Variants in FHIT observed in about 807,000 individuals in gnomAD.
The protein encoded by FHIT is fragile histidine triad diadenosine triphosphatase, also known as bis(5'-adenosyl)-triphosphatase.
A neutral mutation model predicts 17.9 loss-of-function variants in FHIT; 19 were observed. The ratio of observed to expected loss-of-function variants is 1.06; its 90% CI spans 0.74 to 1.56. FHIT has a LOEUF of 1.56. Ranked by LOEUF, FHIT falls within the 40% of genes most tolerant of loss-of-function variation. The probability of loss-of-function intolerance (pLI) is 0.00; values close to 1 mark genes in which losing one functional copy is unlikely to be tolerated. For synonymous variants in FHIT, 81 were observed against 69.7 expected, an observed-to-expected ratio of 1.16 and a Z score of -0.81; for missense variants, 248 against 189.2, an observed-to-expected ratio of 1.31 and a Z score of -1.82.
intron 5 of FHIT, among the ~76,000 whole-genome samples, chr3:60,426,537 T>C (rs1326201286): frequency 6.6e-6 from 1 of 152,162 alleles, no homozygotes. Flanking sequence ...TATTTATCAC[T>C]GCTCACATTC....
intron 3 of FHIT, among the ~76,000 whole-genome samples, chr3:60,832,467 A>C (rs1702365624): frequency 6.6e-6 from 1 of 152,118 alleles, no homozygotes. Context: ...CAAAGTAACA[A>C]ATTTAACATA....
intron 4 of FHIT, among the ~76,000 whole-genome samples, chr3:60,705,682 G>C (rs1559654169): frequency 6.6e-6 from 1 of 152,098 alleles, no homozygotes; most frequent in African/African-American, 2.4e-5. Flanking sequence ...TACTCCTGTA[G>C]GTGTAAATGG....
intron 5 of FHIT, among the ~76,000 whole-genome samples, chr3:60,025,910 T>C (rs1464399894): frequency 2.6e-5 from 4 of 152,148 alleles, no homozygotes; most frequent in Non-Finnish European, 5.9e-5. Context: ...CAACTGCTAC[T>C]CAGCAATGAA....
chr3:60,750,416 C>T (rs2042442497), intron 4 of FHIT, among the ~76,000 whole-genome samples: 1 of 152,142 alleles, frequency 6.6e-6, no homozygotes, highest in African/African-American at 2.4e-5. Flanking sequence ...GTAACTCCCA[C>T]AATTCCCACA....
intron 4 of FHIT, among the ~76,000 whole-genome samples, chr3:60,748,953 C>A (rs2042414062): frequency 6.6e-6 from 1 of 152,112 alleles, no homozygotes; most frequent in Admixed American, 6.5e-5. Context: ...ATGCAATTTT[C>A]TTTTTTTCAA....
intron 5 of FHIT, among the ~76,000 whole-genome samples, chr3:60,317,635 G>GTATATATATATA (rs372678434): frequency 6.7e-4 from 90 of 134,472 alleles, no homozygotes; most frequent in African/African-American, 2.2e-3. Context: ...GTGTGTGTGT[G>GTATATATATATA]TATATATATA....
intron 5 of FHIT, among the ~76,000 whole-genome samples, chr3:60,211,230 A>C (rs1703438829): frequency 6.6e-6 from 1 of 151,956 alleles, no homozygotes; most frequent in South Asian, 2.1e-4. Context: ...AAAGGATGGA[A>C]CACAAATATA....
rs116406675 is a variant in FHIT, at chr3:60,021,757, C to T, written c.104-7605G>A. On this transcript the variant is annotated intron_variant, in intron 5 of 9. Transcript: ENST00000492590. ...TCCCAGCCAGGGGCATGTGCTACAA[C>T]ACTGTTACAATGTCCATGCTGTTTC... 4.1e-3 allele frequency among the ~76,000 whole-genome samples: 628 copies of T among 152,278 alleles called. 3 individuals carry two copies. Among genetic ancestry groups the T allele is most frequent in the African/African-American group, 0.015 (609 of 41,548 alleles).
chr3:61,213,028 C>A, intron 1 of FHIT, among the ~76,000 whole-genome samples: 1 of 152,180 alleles, frequency 6.6e-6, no homozygotes, highest in East Asian at 1.9e-4. Flanking sequence ...AAAGGAACAA[C>A]CAGTACCAGC....
At chr3:60,230,428 TA>T (rs1466650900) in intron 5 of FHIT, among the ~76,000 whole-genome samples, 1 of 152,240 alleles carries the variant, frequency 6.6e-6, no homozygotes, top group African/African-American at 2.4e-5. Context: ...ATCTACACTT[TA>T]AAAATAACAT....
At chr3:60,288,566 A>AGTGTGT (rs139336094) in intron 5 of FHIT, among the ~76,000 whole-genome samples, 2,364 of 144,636 alleles carry the variant, frequency 0.016, 22 homozygotes, top group Middle Eastern at 0.021. Flanking sequence ...GTTCTGGCAC[A>AGTGTGT]GTGTGTGTGT....
chr3:61,046,795 C>T (rs987363375), intron 2 of FHIT, among the ~76,000 whole-genome samples: 10 of 152,098 alleles, frequency 6.6e-5, no homozygotes, highest in African/African-American at 1.9e-4. Context: ...TTATCCACCA[C>T]GATCAAGTTG....
intron 7 of FHIT, among the ~76,000 whole-genome samples, chr3:59,999,560 GGA>G (rs1699649017): frequency 2.0e-5 from 3 of 152,084 alleles, no homozygotes; most frequent in Non-Finnish European, 4.4e-5. Flanking sequence ...ATGATCTAGT[GGA>G]ACGTGTCTTC....
chr3:61,246,240 T>C (rs1434840971), intron 1 of FHIT, among the ~76,000 whole-genome samples: 1 of 152,326 alleles, frequency 6.6e-6, no homozygotes, highest in South Asian at 2.1e-4. Flanking sequence ...GCTCCGTCTA[T>C]GGAGTAGCCA....
chr3:60,643,728 T>C (rs1215713981), intron 4 of FHIT, among the ~76,000 whole-genome samples: 6 of 152,194 alleles, frequency 3.9e-5, no homozygotes, highest in Non-Finnish European at 8.8e-5. Flanking sequence ...ATACTCCTTC[T>C]ATGATCAAGG....
chr3:61,069,200 G>A (rs995873324), intron 2 of FHIT, among the ~76,000 whole-genome samples: 1 of 151,906 alleles, frequency 6.6e-6, no homozygotes, highest in Non-Finnish European at 1.5e-5. Flanking sequence ...GGTTTTTTTC[G>A]TGGCACATAT....
intron 5 of FHIT, among the ~76,000 whole-genome samples, chr3:60,424,556 G>C (rs937882885): frequency 2.0e-5 from 3 of 152,028 alleles, no homozygotes; most frequent in African/African-American, 7.2e-5. Context: ...GTGCTCTGAT[G>C]CACTCCACAC....
At chr3:60,331,870 A>G (rs1177012979) in intron 5 of FHIT, among the ~76,000 whole-genome samples, 1 of 151,724 alleles carries the variant, frequency 6.6e-6, no homozygotes, top group Non-Finnish European at 1.5e-5. Context: ...AAGAGAGAAA[A>G]GAAAAGAAAT....
intron 4 of FHIT, among the ~76,000 whole-genome samples, chr3:60,675,739 A>G (rs1158594814): frequency 6.6e-6 from 1 of 152,204 alleles, no homozygotes; most frequent in African/African-American, 2.4e-5. Context: ...TGGCTTGCAA[A>G]TGCATCTGAT....
Sources: gnomAD v4.1 joint callset for allele counts (sites outside exome capture counted in the v4.1 genomes callset) on GRCh38, gnomAD v4.1.1 for gene constraint, MANE v1.5 for transcripts, NCBI Gene and HGNC (gene_info 2026-07-23, HGNC 2026-07-21) for gene names.